Variants in COMMD10 observed in about 807,000 individuals in gnomAD.
COMMD10 encodes COMM domain containing 10.
Under a neutral mutation model 28.9 loss-of-function variants are expected in COMMD10, and 33 were observed. The observed-to-expected ratio is 1.14, with a 90% confidence interval of 0.87 to 1.53. The LOEUF (loss-of-function observed/expected upper bound fraction) is 1.53. Among genes scored for constraint, COMMD10 ranks in the 40% most tolerant of loss-of-function variants. The pLI is 0.00. For synonymous variants in COMMD10, 110 were observed against 81.7 expected, an observed-to-expected ratio of 1.35 and a Z score of -1.87; for missense variants, 310 against 233.4, an observed-to-expected ratio of 1.33 and a Z score of -2.14.
intron 5 of COMMD10, among the ~76,000 whole-genome samples, chr5:116,246,931 A>T (rs1293231008): frequency 3.3e-5 from 5 of 152,100 alleles, no homozygotes; most frequent in African/African-American, 7.2e-5. Context: ...AGATTTCATG[A>T]TGAAGACACC....
intron 5 of COMMD10, among the ~76,000 whole-genome samples, chr5:116,280,993 G>A (rs569025570): frequency 2.0e-5 from 3 of 151,792 alleles, no homozygotes; most frequent in East Asian, 1.9e-4. Context: ...ATTCAACTTG[G>A]ACAAGAGTTT....
intron 4 of COMMD10, among the ~76,000 whole-genome samples, chr5:116,099,027 G>A (rs1469362847): frequency 6.6e-6 from 1 of 152,086 alleles, no homozygotes; most frequent in Non-Finnish European, 1.5e-5. Context: ...AGTAAACAAC[G>A]TGGTATTATT....
At chr5:116,147,414 T>G (rs1479373547) in intron 5 of COMMD10, among the ~76,000 whole-genome samples, 1 of 151,914 alleles carries the variant, frequency 6.6e-6, no homozygotes, top group African/African-American at 2.4e-5. Context: ...ACAAACTCAT[T>G]TTAACTTGCT....
chr5:116,194,697 G>A lies in COMMD10; in HGVS notation c.510+60519G>A, dbSNP rs377655436. 1.1e-3 allele frequency among the ~76,000 whole-genome samples: 174 copies of A among 152,082 alleles called. 5 individuals carry two copies. In the South Asian group the frequency reaches 0.033, roughly 29 times the overall value. On this transcript the variant is annotated intron_variant, in intron 5 of 6. Transcript: ENST00000274458. Reference sequence around the variant, plus strand: ...GTAAGTTAAAAAATTACCAACAAGAGAAGTCCAGGACCAGACAGATTCACA... The same window carrying A: ...GTAAGTTAAAAAATTACCAACAAGAAAAGTCCAGGACCAGACAGATTCACA...
chr5:116,281,727 A>G (rs1751073700), intron 5 of COMMD10, among the ~76,000 whole-genome samples: 1 of 151,918 alleles, frequency 6.6e-6, no homozygotes, highest in South Asian at 2.1e-4. Context: ...TATTGCCTGT[A>G]TACTCGTTTA....
At chr5:116,100,439 T>C (rs1036665441) in intron 4 of COMMD10, among the ~76,000 whole-genome samples, 7 of 121,248 alleles carry the variant, frequency 5.8e-5, no homozygotes, top group Non-Finnish European at 1.2e-4. Context: ...AGAAATTTTA[T>C]AGTCTCAGAT....
chr5:116,198,343 C>G (rs971795425), intron 5 of COMMD10, among the ~76,000 whole-genome samples: 1 of 152,052 alleles, frequency 6.6e-6, no homozygotes, highest in Non-Finnish European at 1.5e-5. Flanking sequence ...AATGACCATA[C>G]CTTATTTATT....
intron 4 of COMMD10, among the ~76,000 whole-genome samples, chr5:116,099,894 G>C (rs1299696795): frequency 6.6e-6 from 1 of 152,110 alleles, no homozygotes; most frequent in African/African-American, 2.4e-5. Flanking sequence ...TCACGTATCT[G>C]AAATGCTTGG....
intron 5 of COMMD10, among the ~76,000 whole-genome samples, chr5:116,151,255 G>C (rs1045017467): frequency 1.3e-5 from 2 of 151,648 alleles, no homozygotes; most frequent in African/African-American, 4.9e-5. Flanking sequence ...GCTGGATTTG[G>C]TTTGCCAGTA....
chr5:116,268,276 A>G (rs1039082658), intron 5 of COMMD10, among the ~76,000 whole-genome samples: 13 of 151,930 alleles, frequency 8.6e-5, no homozygotes, highest in African/African-American at 3.2e-4. Context: ...CAACTCCATC[A>G]AAAAGTGGGT....
At chr5:116,164,275 T>G (rs1187797327) in intron 5 of COMMD10, among the ~76,000 whole-genome samples, 1 of 151,552 alleles carries the variant, frequency 6.6e-6, no homozygotes, top group Non-Finnish European at 1.5e-5. Flanking sequence ...GAGCCGAGAT[T>G]GGGCCACTGC....
intron 4 of COMMD10, among the ~76,000 whole-genome samples, chr5:116,102,514 G>A (rs1750697471): frequency 1.3e-5 from 2 of 152,068 alleles, no homozygotes; most frequent in African/African-American, 4.8e-5. Flanking sequence ...TGTTCTTTTT[G>A]CTTAGGACTG....
At chr5:116,163,629 ACACAAGGAAACTATC>A (rs1318419224) in intron 5 of COMMD10, among the ~76,000 whole-genome samples, 2 of 151,962 alleles carry the variant, frequency 1.3e-5, no homozygotes, top group Non-Finnish European at 2.9e-5. Context: ...CAAAAACTCA[ACACAAGGAAACTATC>A]TTGATGATTT....
At chr5:116,276,896 A>G (rs1302355951) in intron 5 of COMMD10, among the ~76,000 whole-genome samples, 1 of 151,772 alleles carries the variant, frequency 6.6e-6, no homozygotes, top group Non-Finnish European at 1.5e-5. Flanking sequence ...GTTGGTGGAT[A>G]ATAACTAAAG....
chr5:116,181,690 C>T (rs1747970904), intron 5 of COMMD10, among the ~76,000 whole-genome samples: 1 of 151,868 alleles, frequency 6.6e-6, no homozygotes, highest in South Asian at 2.1e-4. Context: ...TGTTATAAAT[C>T]ATGGTGGAAC....
chr5:116,190,130 A>G (rs773822873), intron 5 of COMMD10, among the ~76,000 whole-genome samples: 35 of 152,274 alleles, frequency 2.3e-4, no homozygotes, highest in South Asian at 4.1e-4. Flanking sequence ...TGCAGCTTCA[A>G]GCACCACAGC....
At chr5:116,130,568 A>T (rs892025725) in intron 4 of COMMD10, among the ~76,000 whole-genome samples, 4 of 151,970 alleles carry the variant, frequency 2.6e-5, no homozygotes, top group African/African-American at 9.7e-5. Context: ...GAGTCTTTCA[A>T]AATTTGATGC....
intron 5 of COMMD10, among the ~76,000 whole-genome samples, chr5:116,269,617 C>T (rs982260162): frequency 6.6e-6 from 1 of 151,532 alleles, no homozygotes; most frequent in Non-Finnish European, 1.5e-5. Flanking sequence ...GTATGGTTTT[C>T]CCTTATCTTT....
chr5:116,199,307 T>A (rs1748605318), intron 5 of COMMD10, among the ~76,000 whole-genome samples: 1 of 152,172 alleles, frequency 6.6e-6, no homozygotes, highest in African/African-American at 2.4e-5. Flanking sequence ...AAGCTGTGTT[T>A]TCTTATTGTT....
Sources: gnomAD v4.1 joint callset for allele counts (sites outside exome capture counted in the v4.1 genomes callset) on GRCh38, gnomAD v4.1.1 for gene constraint, MANE v1.5 for transcripts, NCBI Gene and HGNC (gene_info 2026-07-23, HGNC 2026-07-21) for gene names.